BTBD1: variants seen among roughly 807,000 people sequenced by gnomAD.
BTBD1 encodes the protein BTB/POZ domain-containing protein 1.
In BTBD1, 34 loss-of-function variants were observed where a neutral mutation model predicts 48.0. The observed-to-expected ratio is 0.71, with a 90% CI of 0.54 to 0.94. The LOEUF (loss-of-function observed/expected upper bound fraction) is 0.94. Among genes scored for constraint, BTBD1 ranks in the 40% least tolerant of loss-of-function variants. BTBD1 has a pLI of 0.00. For missense variants in BTBD1, 543 were observed against 625.6 expected, an observed-to-expected ratio of 0.87 and a Z score of 1.41; for synonymous variants, 261 against 242.1, an observed-to-expected ratio of 1.08 and a Z score of -0.72.
At chr15:83,055,336 C>T (rs1211385927) in intron 2 of BTBD1, among the ~76,000 whole-genome samples, 2 of 152,224 alleles carry the variant, frequency 1.3e-5, no homozygotes, top group Non-Finnish European at 1.5e-5. Context: ...CGGCTCACTG[C>T]AACCTCCACC....
chr15:83,025,791 A>G (rs1412483479), intron 5 of BTBD1, among the ~76,000 whole-genome samples: 1 of 151,470 alleles, frequency 6.6e-6, no homozygotes, highest in Non-Finnish European at 1.5e-5. Context: ...TTTTTTTGAG[A>G]TGGAGTCTCA....
Position 83,041,923 on chromosome 15 carries a change from T to C in BTBD1, c.667A>G (p.Thr223Ala). 6.2e-7 allele frequency: 1 copy of C among 1,613,844 alleles called. No homozygotes were observed. The highest frequency in any genetic ancestry group is 1.1e-5 in the South Asian group (1 of 91,070). The change falls in exon 4 of 8, where the codon ACA (threonine) becomes GCA (alanine). Residue 223 changes from threonine (T) to alanine (A), a missense_variant and splice_region_variant. Thr to Ala is a moderately conservative substitution (Grantham distance 58). Around this residue, in one of 3 missense-constraint regions of BTBD1, gnomAD observed 300 missense variants for 350.0 expected, o/e 0.86. Coordinates refer to ENST00000261721, the MANE Select transcript of BTBD1 (RefSeq NM_025238.4). ...TCTCTCTCTAAAACTGCACAGAGTGTATCTATAGGCAAAATACAAAATAAA... is the reference window on the plus strand; with the variant it reads ...TCTCTCTCTAAAACTGCACAGAGTGCATCTATAGGCAAAATACAAAATAAA... The part of the protein sequence containing the change: ...AEGFTDIDID[T>A]LCAVLERDTL...
intron 4 of BTBD1, among the ~76,000 whole-genome samples, chr15:83,037,765 T>C (rs2032657179): frequency 6.6e-6 from 1 of 152,152 alleles, no homozygotes; most frequent in African/African-American, 2.4e-5. Flanking sequence ...ACAGATGATA[T>C]GCTTCTATAC....
chr15:83,021,734 T>G (rs960813640), intron 5 of BTBD1, among the ~76,000 whole-genome samples: 3 of 93,460 alleles, frequency 3.2e-5, no homozygotes, highest in Non-Finnish European at 4.9e-5. Context: ...AGAGCGAGAC[T>G]CCTTCTCAAA....
At chr15:83,049,711 C>A (rs1368279488) in intron 3 of BTBD1, among the ~76,000 whole-genome samples, 2 of 152,080 alleles carry the variant, frequency 1.3e-5, no homozygotes, top group East Asian at 3.9e-4. Flanking sequence ...GCCCTCTCTT[C>A]TATTAGCGTT....
intron 1 of BTBD1, among the ~76,000 whole-genome samples, chr15:83,062,479 T>C (rs2033191826): frequency 6.6e-6 from 1 of 152,220 alleles, no homozygotes; most frequent in Non-Finnish European, 1.5e-5. Context: ...TGGGGGTTGC[T>C]TTATTTATAG....
intron 2 of BTBD1, among the ~76,000 whole-genome samples, chr15:83,054,985 C>A (rs139333609): frequency 6.6e-6 from 1 of 152,196 alleles, no homozygotes; most frequent in East Asian, 1.9e-4. Context: ...TTAATTTTCC[C>A]GTTTGTAAAA....
intron 2 of BTBD1, among the ~76,000 whole-genome samples, chr15:83,055,242 C>CTA (rs1231942583): frequency 6.6e-6 from 1 of 152,172 alleles, no homozygotes; most frequent in Non-Finnish European, 1.5e-5. Flanking sequence ...ATTCATTAGA[C>CTA]TATACACTTA....
At chr15:83,021,602 CAGTT>C (rs745673353) in intron 5 of BTBD1, among the ~76,000 whole-genome samples, 12 of 152,030 alleles carry the variant, frequency 7.9e-5, no homozygotes, top group Admixed American at 2.6e-4. Context: ...AAAAATATAA[CAGTT>C]AGCTGGGCAT....
In BTBD1 at chr15:83,021,756, A is replaced by G. The variant is rs190711808; in HGVS notation, c.1056-994T>C. Among the ~76,000 whole-genome samples the G allele has an allele frequency of 5.6e-4, 84 of 150,018 alleles. No individual in the cohort carries two copies. In the East Asian group the frequency reaches 0.011, roughly 19 times the overall value. On this transcript the variant is annotated intron_variant, in intron 5 of 7. Transcript: ENST00000261721. ...GACTCCTTCTCAAATAATAATAATA[A>G]TAATAATAATAATACATATGGAACT...
At chr15:83,021,981 A>G (rs1390517660) in intron 5 of BTBD1, among the ~76,000 whole-genome samples, 1 of 152,102 alleles carries the variant, frequency 6.6e-6, no homozygotes, top group African/African-American at 2.4e-5. Flanking sequence ...TAACAGCCCT[A>G]TAAGCTAGAT....
intron 3 of BTBD1, among the ~76,000 whole-genome samples, chr15:83,042,249 C>G (rs2032774967): frequency 6.6e-6 from 1 of 150,682 alleles, no homozygotes; most frequent in Non-Finnish European, 1.5e-5. Context: ...AAAAAGGTTC[C>G]AATTACATAA....
chr15:83,050,135 T>C lies in BTBD1; in HGVS notation c.602A>G (p.Asp201Gly). The C allele has an allele frequency of 6.2e-7, 1 of 1,613,192 alleles. No homozygotes were observed. Among genetic ancestry groups the C allele is most frequent in the Non-Finnish European group, 8.5e-7 (1 of 1,179,526 alleles). ...DEPQLASLCL[D>G]TIDKSTMDAI... ...ATCCATTGTGCTTTTGTCTATTGTA[T>C]CTAGACAAAGACTAGCAAGCTGAGG... The change falls in exon 3 of 8, where the codon GAT becomes GGT. Residue 201 changes from aspartate to glycine, a missense_variant. By Grantham distance (94) the Asp-to-Gly change is moderately conservative. Around this residue, in one of 3 missense-constraint regions of BTBD1, gnomAD observed 300 missense variants for 350.0 expected, o/e 0.86. Coordinates refer to ENST00000261721, the MANE Select transcript of BTBD1 (RefSeq NM_025238.4).
At position 83,016,945 on chromosome 15, in the gene BTBD1, TAA is replaced by T. The variant is rs1018894364; in HGVS notation, c.*1120_*1121del. 5.2e-5 allele frequency: 8 copies of T among 152,398 alleles called. 1 individual carries two copies. The East Asian group carries it at 7.7e-4, about 15-fold the overall frequency. The allele number at this position is 152,398 out of a possible 1,614,324, so 9.4% of individuals were successfully genotyped here. A position where few individuals can be genotyped will look rare whatever the true frequency, so the allele number is the denominator to read the frequency against. ...CCTTAAACTCCACTTTCATTTTTTATAAGAGAATCACTTTCAAGGGAAAAAAA... is the reference window on the plus strand; with the variant it reads ...CCTTAAACTCCACTTTCATTTTTTATGAGAATCACTTTCAAGGGAAAAAAA... On this transcript the variant is annotated 3_prime_UTR_variant, in exon 8 of 8. Transcript: ENST00000261721.
At chr15:83,034,009 G>A (rs964372975) in intron 4 of BTBD1, among the ~76,000 whole-genome samples, 1 of 150,266 alleles carries the variant, frequency 6.7e-6, no homozygotes, top group East Asian at 1.9e-4. Context: ...GATAACCTGA[G>A]CCCAGGAGGT....
intron 1 of BTBD1, among the ~76,000 whole-genome samples, chr15:83,064,906 G>C (rs1266544085): frequency 6.6e-6 from 1 of 152,054 alleles, no homozygotes; most frequent in Non-Finnish European, 1.5e-5. Flanking sequence ...GAAAATATCA[G>C]AAACAAAGAA....
rs1385765559 is a variant in BTBD1 at position 83,017,357 on chromosome 15, G to A, written c.*710C>T. 2.0e-5 allele frequency: 3 copies of A among 152,562 alleles called. No individual in the cohort carries two copies. Among genetic ancestry groups the A allele is most frequent in the Non-Finnish European group, 4.4e-5 (3 of 68,022 alleles). The allele number at this position is 152,562 out of a possible 1,614,324, so 9.5% of individuals were successfully genotyped here. A position where few individuals can be genotyped will look rare whatever the true frequency, so the allele number is the denominator to read the frequency against. ...GGTATAGTGGTGCAGTTTAGTGACAGGGAATCCAGTCTTAGATCCTGTTTA... is the reference window on the plus strand; with the variant it reads ...GGTATAGTGGTGCAGTTTAGTGACAAGGAATCCAGTCTTAGATCCTGTTTA... On this transcript the variant is annotated 3_prime_UTR_variant, in exon 8 of 8. Transcript: ENST00000261721.
chr15:83,022,952 T>G (rs942656276), intron 5 of BTBD1, among the ~76,000 whole-genome samples: 1 of 151,896 alleles, frequency 6.6e-6, no homozygotes, highest in South Asian at 2.1e-4. Context: ...AGAGCGAGAC[T>G]CCACCTCAAT....
At chr15:83,039,294 C>G (rs1268279031) in intron 4 of BTBD1, among the ~76,000 whole-genome samples, 1 of 152,074 alleles carries the variant, frequency 6.6e-6, no homozygotes, top group Non-Finnish European at 1.5e-5. Context: ...CATCACTAAT[C>G]ATCAGAGAAA....
Sources: gnomAD v4.1 joint callset for allele counts (sites outside exome capture counted in the v4.1 genomes callset) on GRCh38, gnomAD v4.1.1 for gene constraint, gnomAD v4.1.1 regional missense constraint, MANE v1.5 for transcripts, NCBI Gene and HGNC (gene_info 2026-07-23, HGNC 2026-07-21) for gene names.